The following PCDHA7 variants were observed in gnomAD, a reference collection of about 807,000 sequenced individuals.
PCDHA7 encodes protocadherin alpha 7.
A neutral mutation model predicts 57.2 loss-of-function variants in PCDHA7; 37 were observed. The observed-to-expected ratio is 0.65, with a 90% confidence interval of 0.50 to 0.85. PCDHA7 has a LOEUF of 0.85. Among genes scored for constraint, PCDHA7 ranks in the 40% least tolerant of loss-of-function variants. The pLI, the probability that PCDHA7 is intolerant of heterozygous loss-of-function variation, is 0.00. For missense variants in PCDHA7, 1,188 were observed against 1,241.8 expected (o/e 0.96, Z 0.65); for synonymous variants, 553 against 558.8 (o/e 0.99, Z 0.15).
Position 140,871,175 on chromosome 5 carries a change from C to T in PCDHA7, c.2355+34437C>T, listed in dbSNP as rs782460096. ...GCGGGCGCCGCGAGCCCAGAGGCTG[C>T]GCTGGTGGATGTCAACGTGTACCTG... is the stretch of plus-strand genomic sequence containing the variant. On this transcript the variant is annotated intron_variant, in intron 1 of 3. Transcript: ENST00000525929. 8 of 1,613,402 alleles carry T rather than the reference C, an allele frequency of 5.0e-6. No individual in the cohort carries two copies. In the African/African-American group the frequency reaches 5.3e-5, roughly 11 times the overall value.
chr5:140,982,014 C>G lies in PCDHA7; in HGVS notation c.2415-461C>G, dbSNP rs546904836. Among the ~76,000 whole-genome samples the G allele has an allele frequency of 3.3e-5, 5 of 152,270 alleles. No individual in the cohort carries two copies. The South Asian group carries it at 1.0e-3, about 32-fold the overall frequency. ...ATAAGGTTAAGAATTAATTAGATAG[C>G]CAAATTGGAACAATACTCCAATTAT... is the stretch of plus-strand genomic sequence containing the variant. On this transcript the variant is annotated intron_variant, in intron 2 of 3. Coordinates refer to ENST00000525929, the MANE Select transcript of PCDHA7 (RefSeq NM_018910.3).
intron 1 of PCDHA7, chr5:140,969,110 C>G (rs1380719565): frequency 2.5e-6 from 4 of 1,614,064 alleles, no homozygotes; most frequent in South Asian, 2.2e-5. Context: ...CATTGAAGTT[C>G]GAGGGAATGG....
At chr5:140,869,781 T>G in intron 1 of PCDHA7, 1 of 1,612,992 alleles carries the variant, frequency 6.2e-7, no homozygotes, top group African/African-American at 1.3e-5. Context: ...CTGGCACCGT[T>G]CGGCTGTTAG....
In PCDHA7 at chr5:140,834,584, G is replaced by C. The variant is rs2150221913; in HGVS notation, c.201G>C (p.Val67=). The stretch of plus-strand genomic sequence containing the variant: ...TGGTGCCGCGCCTGTTCCGGGCGGT[G>C]TGCAAATTCCGTGGGGATCTTCTGG... ...AELVPRLFRA[V]CKFRGDLLEV... is the part of the protein sequence containing the mutation. The change falls in exon 1 of 4, where the codon GTG becomes GTC. Residue 67 remains valine, a synonymous_variant. Coordinates refer to ENST00000525929, the MANE Select transcript of PCDHA7 (RefSeq NM_018910.3). 1 of 1,614,122 alleles carries C rather than the reference G, an allele frequency of 6.2e-7. No homozygotes were observed. The highest frequency in any genetic ancestry group is 8.5e-7 in the Non-Finnish European group (1 of 1,179,992).
chr5:140,843,040 T>C lies in PCDHA7; in HGVS notation c.2355+6302T>C, dbSNP rs2150350832. 22 of 1,595,034 alleles carry C rather than the reference T, an allele frequency of 1.4e-5. 3 individuals are homozygous for C. The highest frequency in any genetic ancestry group is 1.2e-4 in the Admixed American group (7 of 59,274). On this transcript the variant is annotated intron_variant, in intron 1 of 3. Coordinates refer to ENST00000525929, the MANE Select transcript of PCDHA7 (RefSeq NM_018910.3). ...TGCTGGAGCCTCGGGTGGGTGGCACTGGTGGCGCAGCGAGCAAGCTGGTGC... is the reference window on the plus strand; with the variant it reads ...TGCTGGAGCCTCGGGTGGGTGGCACCGGTGGCGCAGCGAGCAAGCTGGTGC...
intron 3 of PCDHA7, among the ~76,000 whole-genome samples, chr5:140,991,228 TGCAGTGGTAAAG>T (rs1452293099): frequency 1.1e-4 from 16 of 152,220 alleles, no homozygotes; most frequent in Non-Finnish European, 2.4e-4. Flanking sequence ...CATTAATAAA[TGCAGTGGTAAAG>T]GCAGTATTTG....
intron 1 of PCDHA7, among the ~76,000 whole-genome samples, chr5:140,942,493 C>T (rs1334279065): frequency 1.3e-5 from 2 of 151,366 alleles, no homozygotes; most frequent in Non-Finnish European, 2.9e-5. Context: ...GAAATAAATA[C>T]ATGGTATCTA....
chr5:140,976,023 A>C (rs907977893), intron 1 of PCDHA7, among the ~76,000 whole-genome samples: 1 of 152,206 alleles, frequency 6.6e-6, no homozygotes, highest in Non-Finnish European at 1.5e-5. Flanking sequence ...AAATAATCAC[A>C]GTTATTTCAA....
chr5:140,953,464 T>C (rs2094890309), intron 1 of PCDHA7, among the ~76,000 whole-genome samples: 1 of 152,142 alleles, frequency 6.6e-6, no homozygotes. Flanking sequence ...GTCAGAGTTT[T>C]AACTTCCTCA....
intron 1 of PCDHA7, among the ~76,000 whole-genome samples, chr5:140,925,578 A>G (rs1378824182): frequency 6.6e-6 from 1 of 151,838 alleles, no homozygotes; most frequent in African/African-American, 2.4e-5. Flanking sequence ...GCACACCAAC[A>G]TGGCGCATGT....
chr5:140,878,125 A>T (rs1286133298), intron 1 of PCDHA7: 1 of 214,326 alleles, frequency 4.7e-6, no homozygotes, highest in Non-Finnish European at 9.0e-6. Flanking sequence ...ATATTAGATT[A>T]AAAAGTGGCC....
chr5:141,002,649 T>C (rs2098089134), intron 3 of PCDHA7, among the ~76,000 whole-genome samples: 2 of 152,214 alleles, frequency 1.3e-5, no homozygotes, highest in South Asian at 2.1e-4. Context: ...GTCTACTTCA[T>C]AGGGCTCTTG....
At chr5:140,859,726 A>G (rs929910976) in intron 1 of PCDHA7, 1 of 154,384 alleles carries the variant, frequency 6.5e-6, no homozygotes, top group Admixed American at 6.4e-5. Context: ...AAATTGTGGC[A>G]AGAATTTAAG....
At chr5:140,879,960 C>T (rs781917048) in intron 1 of PCDHA7, among the ~76,000 whole-genome samples, 3 of 152,168 alleles carry the variant, frequency 2.0e-5, no homozygotes, top group Non-Finnish European at 4.4e-5. Flanking sequence ...TCTGGATAAT[C>T]CAGGATAAAC....
At chr5:140,893,951 T>TTA (rs2064251628) in intron 1 of PCDHA7, among the ~76,000 whole-genome samples, 1 of 152,184 alleles carries the variant, frequency 6.6e-6, no homozygotes, top group Admixed American at 6.5e-5. Context: ...CTGCATGACT[T>TTA]TATTAGTCAT....
intron 2 of PCDHA7, chr5:140,982,222 A>C: frequency 3.5e-6 from 2 of 569,284 alleles, no homozygotes; most frequent in Non-Finnish European, 2.7e-6. Context: ...CATGGCGTTA[A>C]TAAAAAACAG....
intron 1 of PCDHA7, chr5:140,929,943 A>C (rs996777609): frequency 1.3e-5 from 2 of 152,224 alleles, no homozygotes; most frequent in African/African-American, 4.8e-5. Flanking sequence ...TCTCTAGCCT[A>C]TACTTTTAAT....
intron 3 of PCDHA7, among the ~76,000 whole-genome samples, chr5:141,007,767 G>T (rs1322859075): frequency 6.6e-6 from 1 of 152,142 alleles, no homozygotes; most frequent in African/African-American, 2.4e-5. Context: ...TATTGGCCTG[G>T]AAATGGTACT....
At chr5:140,946,631 T>TATATATACAC (rs57893927) in intron 1 of PCDHA7, among the ~76,000 whole-genome samples, 11,667 of 131,732 alleles carry the variant, frequency 0.089, 743 homozygotes, top group Middle Eastern at 0.14. Context: ...TATATATATA[T>TATATATACAC]ACAATGGAAT....
Sources: gnomAD v4.1 joint callset for allele counts (sites outside exome capture counted in the v4.1 genomes callset) on GRCh38, gnomAD v4.1.1 for gene constraint, MANE v1.5 for transcripts, NCBI Gene and HGNC (gene_info 2026-07-23, HGNC 2026-07-21) for gene names.